KIF20B: variants seen among roughly 807,000 people sequenced by gnomAD.
KIF20B encodes kinesin-like protein KIF20B.
Under a neutral mutation model 232.5 loss-of-function variants are expected in KIF20B, and 188 were observed. The observed-to-expected ratio is 0.81, with a 90% CI of 0.72 to 0.91. The LOEUF is 0.91. Among genes scored for constraint, KIF20B ranks in the 40% least tolerant of loss-of-function variants. The pLI, the probability that KIF20B is intolerant of heterozygous loss-of-function variation, is 0.00. For missense variants in KIF20B, 2,154 were observed against 2,055.9 expected (o/e 1.05, Z -0.92); for synonymous variants, 712 against 683.0 (o/e 1.04, Z -0.66).
chr10:89,754,040 A>G (rs1842074017), intron 25 of KIF20B, among the ~76,000 whole-genome samples: 2 of 151,738 alleles, frequency 1.3e-5, no homozygotes, highest in Non-Finnish European at 2.9e-5. Flanking sequence ...AAAATTACTG[A>G]TCAGCAGTAT....
intron 6 of KIF20B, among the ~76,000 whole-genome samples, chr10:89,713,641 G>T (rs1842878455): frequency 6.6e-6 from 1 of 152,096 alleles, no homozygotes; most frequent in African/African-American, 2.4e-5. Context: ...ATGTAAAGAT[G>T]TTTGGCAAAA....
chr10:89,705,226 T>C (rs1172097503), intron 1 of KIF20B, 68 bp from the exon 2 acceptor site: 1 of 1,405,974 alleles, frequency 7.1e-7, no homozygotes, highest in Non-Finnish European at 1.0e-6. Flanking sequence ...GGCTAGACTT[T>C]TGAAAGTGTG....
chr10:89,752,493 C>T, intron 24 of KIF20B, 74 bp from the exon 25 acceptor site: 3 of 1,083,772 alleles, frequency 2.8e-6, no homozygotes, highest in Non-Finnish European at 3.8e-6. Flanking sequence ...TGTCTGTAGC[C>T]CATGTCAAGT....
chr10:89,708,308 T>C (rs1461369281), intron 2 of KIF20B, among the ~76,000 whole-genome samples: 2 of 151,966 alleles, frequency 1.3e-5, no homozygotes, highest in Non-Finnish European at 2.9e-5. Context: ...GCCTCCCAGG[T>C]TCAAGCGATT....
chr10:89,760,508 A>T lies in KIF20B; in HGVS notation c.4681-18A>T. 6.7e-7 allele frequency: 1 copy of T among 1,491,230 alleles called. No homozygotes were observed. The highest frequency in any genetic ancestry group is 9.3e-7 in the Non-Finnish European group (1 of 1,070,074). The allele number at this position is 1,491,230 out of a possible 1,614,324, so 92.4% of individuals were successfully genotyped here. On this transcript the variant is annotated intron_variant, in intron 27 of 32. Coordinates refer to ENST00000371728, the MANE Select transcript of KIF20B (RefSeq NM_001284259.2). ...TCAGGTTACAATGCCCTGTTGCTTT[A>T]ATATTTCCTTACTTTAGGAAACACA...
chr10:89,759,371 A>G (rs762612995), intron 27 of KIF20B, among the ~76,000 whole-genome samples: 5 of 152,056 alleles, frequency 3.3e-5, no homozygotes, highest in Non-Finnish European at 7.4e-5. Flanking sequence ...GGAAATCCTG[A>G]AAGAGGAGAG....
Position 89,717,457 on chromosome 10 carries a change from T to C in KIF20B, c.1086T>C (p.Ile362=). The part of the protein sequence containing the change: ...HSIFTVKILQ[I]EDSEMSRVIR... Reference sequence around the variant, plus strand: ...TATTCACTGTTAAAATATTACAGATTGAAGATTCTGAAATGTCTCGTGTAA... The same window carrying C: ...TATTCACTGTTAAAATATTACAGATCGAAGATTCTGAAATGTCTCGTGTAA... Residue 362 remains isoleucine, a synonymous_variant, in exon 10 of 33, where the codon ATT becomes ATC. Coordinates refer to ENST00000371728, the MANE Select transcript of KIF20B (RefSeq NM_001284259.2). 6.3e-7 allele frequency: 1 copy of C among 1,595,206 alleles called. No homozygotes were observed. Among genetic ancestry groups the C allele is most frequent in the Non-Finnish European group, 8.6e-7 (1 of 1,165,578 alleles).
At chr10:89,773,930 C>T in intron 32 of KIF20B, 41 bp from the exon 33 acceptor site, 4 of 1,179,004 alleles carry the variant, frequency 3.4e-6, no homozygotes, top group Non-Finnish European at 4.8e-6. Flanking sequence ...TTTTTATTTT[C>T]ACTTACAAGC....
chr10:89,729,085 CTAAAG>C, intron 17 of KIF20B, 38 bp from the exon 18 acceptor site: 1 of 1,287,854 alleles, frequency 7.8e-7, no homozygotes, highest in Non-Finnish European at 1.0e-6. Context: ...TCTAGTTATC[CTAAAG>C]TATATTCATG....
chr10:89,772,566 T>G, intron 31 of KIF20B, 123 bp from the exon 32 acceptor site: 2 of 561,690 alleles, frequency 3.6e-6, no homozygotes, highest in Non-Finnish European at 6.2e-6. Context: ...TATATTGCAG[T>G]GTTTTTAGTT....
chr10:89,734,122 G>T (rs1841589166), intron 19 of KIF20B, among the ~76,000 whole-genome samples: 1 of 151,940 alleles, frequency 6.6e-6, no homozygotes, highest in South Asian at 2.1e-4. Flanking sequence ...ATCAAAAGGG[G>T]TCATAGGCCG....
chr10:89,743,098 A>G (rs1167856020), intron 21 of KIF20B, among the ~76,000 whole-genome samples: 1 of 152,170 alleles, frequency 6.6e-6, no homozygotes, highest in East Asian at 1.9e-4. Flanking sequence ...GTAAAGCTCC[A>G]CAAGGGAATA....
chr10:89,704,933 G>T (rs1040394903), intron 1 of KIF20B, among the ~76,000 whole-genome samples: 6 of 152,216 alleles, frequency 3.9e-5, no homozygotes, highest in African/African-American at 1.2e-4. Context: ...CTAAGTAGAT[G>T]ACACAAGGTT....
Position 89,751,487 on chromosome 10 carries a change from T to G in KIF20B, c.4222+16T>G. ...CTGGCCACAGGTAAAACAAGATTGC[T>G]TACATTTCTCTAAATATACTTTTTC... On this transcript the variant is annotated intron_variant, in intron 24 of 32. Coordinates refer to ENST00000371728, the MANE Select transcript of KIF20B (RefSeq NM_001284259.2). The G allele has an allele frequency of 6.3e-7, 1 of 1,590,498 alleles. No homozygotes were observed. Among genetic ancestry groups the G allele is most frequent in the Non-Finnish European group, 8.5e-7 (1 of 1,172,418 alleles).
At chr10:89,754,127 G>A (rs894970474) in intron 25 of KIF20B, among the ~76,000 whole-genome samples, 3 of 147,440 alleles carry the variant, frequency 2.0e-5, no homozygotes, top group Non-Finnish European at 4.5e-5. Context: ...GCATCTCGTA[G>A]GCCCAGGAAT....
At chr10:89,734,680 C>G (rs1004627352) in intron 19 of KIF20B, among the ~76,000 whole-genome samples, 3 of 152,152 alleles carry the variant, frequency 2.0e-5, no homozygotes, top group Non-Finnish European at 2.9e-5. Flanking sequence ...CGAACAGATT[C>G]ATTACATGTG....
intron 18 of KIF20B, among the ~76,000 whole-genome samples, chr10:89,729,762 A>G (rs988830261): frequency 2.0e-5 from 3 of 152,238 alleles, no homozygotes; most frequent in African/African-American, 4.8e-5. Flanking sequence ...CTTTCATACA[A>G]ATTTAGATAA....
intron 29 of KIF20B, among the ~76,000 whole-genome samples, chr10:89,763,236 G>A (rs968806449): frequency 1.3e-5 from 2 of 152,112 alleles, no homozygotes; most frequent in Non-Finnish European, 2.9e-5. Flanking sequence ...AGATGAGATG[G>A]CACCACTGCA....
Position 89,715,137 on chromosome 10 carries a change from A to ATG in KIF20B, c.896_897dup (p.Leu300CysfsTer8). The ATG allele has an allele frequency of 1.9e-6, 3 of 1,606,688 alleles. No homozygotes were observed. Among genetic ancestry groups the ATG allele is most frequent in the Non-Finnish European group, 2.5e-6 (3 of 1,177,110 alleles). On this transcript the variant is annotated frameshift_variant, in exon 8 of 33. Coordinates refer to ENST00000371728, the MANE Select transcript of KIF20B (RefSeq NM_001284259.2). LOFTEE classifies it high-confidence loss of function. ...ATCATCTAAATTCCAAAAGAGAAAG[A>ATG]TGCTGCGCCTTTCCCAAGACGTAAA...
Sources: allele counts gnomAD v4.1 joint callset (sites outside exome capture counted in the v4.1 genomes callset), GRCh38; gene constraint gnomAD v4.1.1; transcripts MANE v1.5; gene names NCBI Gene and HGNC (gene_info 2026-07-23, HGNC 2026-07-21).